The following ELF2 variants were observed in gnomAD, a reference collection of about 807,000 sequenced individuals.
ELF2 encodes the protein E74 like ETS transcription factor 2.
Under a neutral mutation model 54.8 loss-of-function variants are expected in ELF2, and 11 were observed. The ratio of observed to expected loss-of-function variants is 0.20; its 90% CI spans 0.13 to 0.33. ELF2 has a LOEUF of 0.33. Ranked by LOEUF, ELF2 falls within the 10% of genes least tolerant of loss-of-function variation. The probability of loss-of-function intolerance (pLI) is 1.00; values close to 1 mark genes in which losing one functional copy is unlikely to be tolerated. For missense variants in ELF2, 513 were observed against 703.0 expected, an observed-to-expected ratio of 0.73 and a Z score of 3.06; for synonymous variants, 203 against 245.1, an observed-to-expected ratio of 0.83 and a Z score of 1.61.
Position 139,168,503 on chromosome 4 carries a change from T to C in ELF2, c.-252+8464A>G, listed in dbSNP as rs138727423. The stretch of plus-strand genomic sequence containing the variant: ...TTAAGGAACAGACAAAAACTGATCT[T>C]AATAATGGATTCCCGGCAGACTTAG... On this transcript the variant is annotated intron_variant, in intron 1 of 9. Transcript: ENST00000686138. 5.5e-3 allele frequency among the ~76,000 whole-genome samples: 831 copies of C among 152,268 alleles called. 3 individuals carry two copies. The highest frequency in any genetic ancestry group is 8.4e-3 in the Non-Finnish European group (570 of 68,026).
intron 1 of ELF2, among the ~76,000 whole-genome samples, chr4:139,151,653 A>C (rs2148886433): frequency 6.6e-6 from 1 of 152,342 alleles, no homozygotes; most frequent in East Asian, 1.9e-4. Context: ...CAAGGATTTA[A>C]AAGTACCTAA....
intron 3 of ELF2, among the ~76,000 whole-genome samples, chr4:139,131,714 A>T (rs1578880666): frequency 1.3e-5 from 2 of 152,048 alleles, no homozygotes; most frequent in Non-Finnish European, 2.9e-5. Context: ...CTCCAAATAA[A>T]TACGTCACTA....
intron 1 of ELF2, among the ~76,000 whole-genome samples, chr4:139,166,435 A>T (rs1741732665): frequency 6.6e-6 from 1 of 152,140 alleles, no homozygotes; most frequent in Non-Finnish European, 1.5e-5. Context: ...AAATATCTGC[A>T]ATCAGGTTCA....
chr4:139,167,673 C>A (rs2148911521), intron 1 of ELF2, among the ~76,000 whole-genome samples: 1 of 152,248 alleles, frequency 6.6e-6, no homozygotes, highest in Middle Eastern at 3.4e-3. Context: ...CTTTCTTCCA[C>A]AGAATTATTA....
chr4:139,091,117 T>C (rs1483399751), intron 4 of ELF2, among the ~76,000 whole-genome samples: 1 of 151,964 alleles, frequency 6.6e-6, no homozygotes, highest in Non-Finnish European at 1.5e-5. Flanking sequence ...GTACTTCTAG[T>C]AGAGACAGGT....
intron 4 of ELF2, among the ~76,000 whole-genome samples, chr4:139,092,296 G>A (rs1560800337): frequency 1.3e-5 from 2 of 151,624 alleles, no homozygotes; most frequent in African/African-American, 4.9e-5. Flanking sequence ...GGGAGGCAGA[G>A]GTTGAAGTAA....
chr4:139,127,964 C>CA (rs1174310299), intron 3 of ELF2, among the ~76,000 whole-genome samples: 3,437 of 76,660 alleles, frequency 0.045, 102 homozygotes, highest in African/African-American at 0.11. Context: ...GACTCGGTCT[C>CA]AAAAAAAAAA....
At position 139,138,224 on chromosome 4, in the gene ELF2, C is replaced by T. The variant is rs1197813835; in HGVS notation, c.-166-357G>A. 2.6e-5 allele frequency among the ~76,000 whole-genome samples: 4 copies of T among 152,128 alleles called. No individual in the cohort carries two copies. The East Asian group carries it at 7.7e-4, about 29-fold the overall frequency. On this transcript the variant is annotated intron_variant, in intron 2 of 9. Transcript: ENST00000686138. ...ACGAGGTCAAGAGATCGAGACCACC[C>T]TGGCCAACATGGTGAAACCCCACCT...
At chr4:139,072,386 GAGTT>G (rs1284130564) in intron 5 of ELF2, among the ~76,000 whole-genome samples, 1 of 152,104 alleles carries the variant, frequency 6.6e-6, no homozygotes, top group Non-Finnish European at 1.5e-5. Context: ...GTATAATAGT[GAGTT>G]AGTTAATAAT....
At chr4:139,132,554 T>C (rs1038559451) in intron 3 of ELF2, among the ~76,000 whole-genome samples, 7 of 152,156 alleles carry the variant, frequency 4.6e-5, no homozygotes, top group Non-Finnish European at 7.4e-5. Flanking sequence ...AAATCAACAG[T>C]TCTCTTTTGT....
chr4:139,114,641 TC>T (rs1391515709), intron 4 of ELF2, among the ~76,000 whole-genome samples: 19 of 61,958 alleles, frequency 3.1e-4, no homozygotes, highest in East Asian at 4.3e-4. Context: ...TTTTTTTCTT[TC>T]TTTTTTTTTT....
chr4:139,067,541 T>A (rs1728885490), intron 7 of ELF2, 143 bp downstream of exon 7: 1 of 759,254 alleles, frequency 1.3e-6, no homozygotes, highest in African/African-American at 1.7e-5. Context: ...CACGTGATGC[T>A]GATACATCCC....
chr4:139,132,917 A>C (rs986668783), intron 3 of ELF2, among the ~76,000 whole-genome samples: 1 of 147,416 alleles, frequency 6.8e-6, no homozygotes, highest in Non-Finnish European at 1.5e-5. Context: ...GGGAGAGACG[A>C]AGTCTTGCTC....
intron 1 of ELF2, among the ~76,000 whole-genome samples, chr4:139,156,981 A>G (rs1740614738): frequency 6.6e-6 from 1 of 152,164 alleles, no homozygotes; most frequent in South Asian, 2.1e-4. Context: ...ACAGTGATGC[A>G]TTGCTTAATG....
At chr4:139,068,165 C>T (rs1728991038) in intron 6 of ELF2, among the ~76,000 whole-genome samples, 3 of 152,208 alleles carry the variant, frequency 2.0e-5, no homozygotes, top group South Asian at 4.2e-4. Context: ...GGACTACAGG[C>T]GCCTGCTACC....
intron 6 of ELF2, among the ~76,000 whole-genome samples, chr4:139,069,597 G>A (rs1729220000): frequency 6.6e-6 from 1 of 152,004 alleles, no homozygotes; most frequent in Non-Finnish European, 1.5e-5. Flanking sequence ...TTCCTCCATA[G>A]GAAAATGGGT....
chr4:139,156,971 A>C (rs1740614485), intron 1 of ELF2, among the ~76,000 whole-genome samples: 3 of 152,168 alleles, frequency 2.0e-5, no homozygotes, highest in African/African-American at 4.8e-5. Context: ...CTATACACAT[A>C]CAGTGATGCA....
chr4:139,083,766 C>T (rs534074289), intron 4 of ELF2, among the ~76,000 whole-genome samples: 1 of 152,330 alleles, frequency 6.6e-6, no homozygotes, highest in Admixed American at 6.5e-5. Context: ...GCCTCACTCA[C>T]TTCCTGGTTC....
intron 4 of ELF2, among the ~76,000 whole-genome samples, chr4:139,111,578 T>C (rs1449099741): frequency 1.3e-5 from 2 of 149,324 alleles, no homozygotes; most frequent in Non-Finnish European, 3.0e-5. Flanking sequence ...CCAGCCTAGA[T>C]AAATACCTAA....
Sources: gnomAD v4.1 joint callset for allele counts (sites outside exome capture counted in the v4.1 genomes callset) on GRCh38, gnomAD v4.1.1 for gene constraint, MANE v1.5 for transcripts, NCBI Gene and HGNC (gene_info 2026-07-23, HGNC 2026-07-21) for gene names.